BTBD9: variants seen among roughly 807,000 people sequenced by gnomAD.
BTBD9 encodes BTB/POZ domain-containing protein 9.
In BTBD9, 49 loss-of-function variants were observed where a neutral mutation model predicts 64.3. The ratio of observed to expected loss-of-function variants is 0.76; its 90% confidence interval spans 0.61 to 0.97. The LOEUF is 0.97. Among genes scored for constraint, BTBD9 ranks in the 50% least tolerant of loss-of-function variants. The pLI is 0.00. For missense variants in BTBD9, 598 were observed against 762.1 expected, an observed-to-expected ratio of 0.78 and a Z score of 2.53; for synonymous variants, 260 against 274.7, an observed-to-expected ratio of 0.95 and a Z score of 0.53.
intron 8 of BTBD9, among the ~76,000 whole-genome samples, chr6:38,271,687 G>C (rs1765200948): frequency 6.6e-6 from 1 of 152,062 alleles, no homozygotes; most frequent in Non-Finnish European, 1.5e-5. Context: ...CCCAGGCATA[G>C]ACAGAAAACT....
intron 6 of BTBD9, among the ~76,000 whole-genome samples, chr6:38,566,501 C>T (rs1397384365): frequency 6.6e-6 from 1 of 152,102 alleles, no homozygotes; most frequent in Non-Finnish European, 1.5e-5. Context: ...GACAGCTTAC[C>T]GGTGTGATGC....
At chr6:38,581,805 G>C (rs1441207228) in intron 4 of BTBD9, among the ~76,000 whole-genome samples, 1 of 152,146 alleles carries the variant, frequency 6.6e-6, no homozygotes, top group Non-Finnish European at 1.5e-5. Flanking sequence ...AGAATTAAAT[G>C]AGATGATGTT....
intron 6 of BTBD9, among the ~76,000 whole-genome samples, chr6:38,359,023 G>A (rs1268554655): frequency 6.6e-6 from 1 of 151,378 alleles, no homozygotes; most frequent in African/African-American, 2.4e-5. Context: ...CACCCGCCTC[G>A]GCCTCCCAAA....
rs570962161 is a variant in BTBD9 at position 38,446,457 on chromosome 6, T to A, written c.1155-101364A>T. On this transcript the variant is annotated intron_variant, in intron 6 of 10. Coordinates refer to ENST00000481247, the MANE Select transcript of BTBD9 (RefSeq NM_001099272.2). ...TTTGTTGAGAGTCTGTCTCTACCAG[T>A]GGACTGTGAGGTAGCTGTTCACTTT... Among the ~76,000 whole-genome samples, 19 of 152,324 alleles carry A rather than the reference T, an allele frequency of 1.2e-4. 2 individuals carry two copies. The South Asian group carries it at 3.1e-3, about 25-fold the overall frequency.
Position 38,302,479 on chromosome 6 carries a change from G to GTGTA in BTBD9, c.1265-14022_1265-14019dup, listed in dbSNP as rs1459206129. 1.0e-4 allele frequency among the ~76,000 whole-genome samples: 8 copies of GTGTA among 80,292 alleles called. No individual in the cohort carries two copies. The East Asian group carries it at 1.9e-3, about 19-fold the overall frequency. The allele number at this position is 80,292 out of a possible 152,430, so 52.7% of individuals were successfully genotyped here. A position where few individuals can be genotyped will look rare whatever the true frequency, so the allele number is the denominator to read the frequency against. ...TAATGGCTGAATAATATTCCATTGTGTGTATGTATATATATATATATATAT... is the reference window on the plus strand; with the variant it reads ...TAATGGCTGAATAATATTCCATTGTGTGTATGTATGTATATATATATATATATAT... On this transcript the variant is annotated intron_variant, in intron 7 of 10. Transcript: ENST00000481247.
intron 7 of BTBD9, among the ~76,000 whole-genome samples, chr6:38,342,087 A>G (rs1344826727): frequency 6.6e-6 from 1 of 152,208 alleles, no homozygotes; most frequent in South Asian, 2.1e-4. Flanking sequence ...TCATCATTAT[A>G]TATTTTAAAT....
At chr6:38,471,020 C>A (rs1017450891) in intron 6 of BTBD9, among the ~76,000 whole-genome samples, 6 of 152,138 alleles carry the variant, frequency 3.9e-5, no homozygotes, top group Non-Finnish European at 8.8e-5. Flanking sequence ...AAAAAATCTC[C>A]ATCGCAAGAT....
intron 7 of BTBD9, among the ~76,000 whole-genome samples, chr6:38,343,867 C>G (rs1456386011): frequency 6.6e-6 from 1 of 152,114 alleles, no homozygotes; most frequent in African/African-American, 2.4e-5. Context: ...TTAGACACAG[C>G]AGGTGTTAGG....
Position 38,288,824 on chromosome 6 carries a change from G to A in BTBD9, c.1265-363C>T, listed in dbSNP as rs138955753. Among the ~76,000 whole-genome samples, 424 of 151,998 alleles carry A rather than the reference G, an allele frequency of 2.8e-3. 2 individuals carry two copies. The highest frequency in any genetic ancestry group is 0.014 in the Middle Eastern group (4 of 294). On this transcript the variant is annotated intron_variant, in intron 7 of 10. Transcript: ENST00000481247. Reference sequence around the variant, plus strand: ...TGCCTGTAGTCCCAGCTACTCGGGAGGCCGAGGCAAGAGAATTGCTTGAAC... The same window carrying A: ...TGCCTGTAGTCCCAGCTACTCGGGAAGCCGAGGCAAGAGAATTGCTTGAAC...
intron 7 of BTBD9, among the ~76,000 whole-genome samples, chr6:38,330,817 C>A (rs1270363990): frequency 2.6e-5 from 4 of 152,098 alleles, no homozygotes; most frequent in African/African-American, 9.7e-5. Context: ...AATTTCAAGA[C>A]AATTGGCCAC....
intron 1 of BTBD9, among the ~76,000 whole-genome samples, chr6:38,620,210 C>G (rs1777937586): frequency 6.6e-6 from 1 of 152,216 alleles, no homozygotes; most frequent in Admixed American, 6.5e-5. Context: ...TCAGTGGAGA[C>G]TAGTGCAAGA....
intron 6 of BTBD9, among the ~76,000 whole-genome samples, chr6:38,380,439 G>A (rs1168915758): frequency 2.0e-5 from 3 of 152,176 alleles, no homozygotes; most frequent in Non-Finnish European, 2.9e-5. Flanking sequence ...TGTCCCACTT[G>A]TGGGTTAAAA....
chr6:38,187,457 GAA>G (rs1761866316), intron 10 of BTBD9, among the ~76,000 whole-genome samples: 1 of 152,208 alleles, frequency 6.6e-6, no homozygotes, highest in Admixed American at 6.5e-5. Flanking sequence ...TGGATGTGCT[GAA>G]AGACACACCG....
intron 6 of BTBD9, among the ~76,000 whole-genome samples, chr6:38,450,362 C>T (rs1270013854): frequency 1.3e-5 from 2 of 152,146 alleles, no homozygotes; most frequent in South Asian, 4.1e-4. Flanking sequence ...ACAGTGACTA[C>T]AGCTAATGAC....
At chr6:38,506,771 T>G (rs1772542189) in intron 6 of BTBD9, among the ~76,000 whole-genome samples, 1 of 152,198 alleles carries the variant, frequency 6.6e-6, no homozygotes, top group Non-Finnish European at 1.5e-5. Context: ...TCATTGTGAC[T>G]TTTTTTAGAA....
intron 8 of BTBD9, among the ~76,000 whole-genome samples, chr6:38,257,981 AT>A (rs1453314537): frequency 6.6e-6 from 1 of 151,572 alleles, no homozygotes; most frequent in Non-Finnish European, 1.5e-5. Context: ...TAAAAAAAAA[AT>A]ATATATGTAT....
intron 6 of BTBD9, among the ~76,000 whole-genome samples, chr6:38,496,755 G>A (rs1472477179): frequency 6.6e-6 from 1 of 152,112 alleles, no homozygotes; most frequent in East Asian, 1.9e-4. Context: ...AAAAATTCGG[G>A]CTTTTGGCTA....
Position 38,171,172 on chromosome 6 carries a change from T to G in BTBD9, c.*3813A>C, listed in dbSNP as rs1227822781. 6.6e-6 allele frequency: 1 copy of G among 152,214 alleles called. No homozygotes were observed. Among genetic ancestry groups the G allele is most frequent in the Non-Finnish European group, 1.5e-5 (1 of 68,038 alleles). 9.4% of individuals were successfully genotyped at this position (152,214 alleles called of 1,614,324 possible). The stretch of plus-strand genomic sequence containing the variant: ...CCCCCTTGGCTCTGGAAAGGATAAG[T>G]GATTACAATTTTGTTATCTTCTAAA... On this transcript the variant is annotated 3_prime_UTR_variant, in exon 11 of 11. Coordinates refer to ENST00000481247, the MANE Select transcript of BTBD9 (RefSeq NM_001099272.2).
chr6:38,232,173 C>T lies in BTBD9; in HGVS notation c.1562+24236G>A, dbSNP rs114769192. Among the ~76,000 whole-genome samples the T allele has an allele frequency of 3.1e-3, 478 of 152,290 alleles. 1 individual carries two copies. The highest frequency in any genetic ancestry group is 0.011 in the African/African-American group (449 of 41,560). ...GTCACAAAACAGGACAAAGTGAGGGCCTTCCGACTGCACAGAGCTGCCCTG... is the reference window on the plus strand; with the variant it reads ...GTCACAAAACAGGACAAAGTGAGGGTCTTCCGACTGCACAGAGCTGCCCTG... On this transcript the variant is annotated intron_variant, in intron 9 of 10. Coordinates refer to ENST00000481247, the MANE Select transcript of BTBD9 (RefSeq NM_001099272.2).
Sources: allele counts gnomAD v4.1 joint callset (sites outside exome capture counted in the v4.1 genomes callset), GRCh38; gene constraint gnomAD v4.1.1; transcripts MANE v1.5; gene names NCBI Gene and HGNC (gene_info 2026-07-23, HGNC 2026-07-21).